NAALADL2: variants seen among roughly 807,000 people sequenced by gnomAD.
NAALADL2 encodes inactive N-acetylated-alpha-linked acidic dipeptidase-like protein 2.
In NAALADL2, 76 loss-of-function variants were observed where a neutral mutation model predicts 87.2. The observed-to-expected ratio is 0.87, with a 90% CI of 0.72 to 1.05. The LOEUF (loss-of-function observed/expected upper bound fraction) is 1.05, where lower values mean the gene tolerates loss of function less well. NAALADL2 is among the 50% of genes least tolerant of loss of function. The pLI, the probability that NAALADL2 is intolerant of heterozygous loss-of-function variation, is 0.00. For missense variants in NAALADL2, 1,089 were observed against 945.8 expected, an observed-to-expected ratio of 1.15 and a Z score of -1.99; for synonymous variants, 354 against 331.0, an observed-to-expected ratio of 1.07 and a Z score of -0.75.
chr3:174,765,485 C>T (rs1713688881), intron 3 of NAALADL2, among the ~76,000 whole-genome samples: 1 of 152,064 alleles, frequency 6.6e-6, no homozygotes, highest in Admixed American at 6.6e-5. Context: ...GTTAGGTGGG[C>T]AGTTTCCTGT....
intron 3 of NAALADL2, among the ~76,000 whole-genome samples, chr3:174,778,328 C>A (rs760179153): frequency 1.3e-5 from 2 of 151,870 alleles, no homozygotes; most frequent in Non-Finnish European, 2.9e-5. Context: ...GCAGGCAGAA[C>A]CTTAGGGTAA....
chr3:175,111,733 G>T lies in NAALADL2; in HGVS notation c.545+14442G>T, dbSNP rs1350827558. Among the ~76,000 whole-genome samples, 4 of 151,674 alleles carry T rather than the reference G, an allele frequency of 2.6e-5. No individual in the cohort carries two copies. The East Asian group carries it at 7.7e-4, about 29-fold the overall frequency. On this transcript the variant is annotated intron_variant, in intron 2 of 13. Coordinates refer to ENST00000454872, the MANE Select transcript of NAALADL2 (RefSeq NM_207015.3). ...AGGTTTCACTTGATCCAATGCTGCTGCCTTCTCTAGTCAGACAGTCAGGAA... is the reference window on the plus strand; with the variant it reads ...AGGTTTCACTTGATCCAATGCTGCTTCCTTCTCTAGTCAGACAGTCAGGAA...
chr3:175,255,948 C>G (rs144200797), intron 3 of NAALADL2, among the ~76,000 whole-genome samples: 94 of 152,302 alleles, frequency 6.2e-4, no homozygotes, highest in African/African-American at 1.7e-3. Context: ...GCATCATGAG[C>G]AGCTGTTCAG....
At chr3:175,168,119 A>G (rs1734250010) in intron 2 of NAALADL2, among the ~76,000 whole-genome samples, 1 of 151,920 alleles carries the variant, frequency 6.6e-6, no homozygotes, top group South Asian at 2.1e-4. Context: ...TTGGGACTAA[A>G]TAAGTCAGTT....
Position 174,745,632 on chromosome 3 carries a change from C to T in NAALADL2, c.-9+7886C>T, listed in dbSNP as rs183329286. Among the ~76,000 whole-genome samples, 363 of 152,062 alleles carry T rather than the reference C, an allele frequency of 2.4e-3. 1 individual carries two copies. The highest frequency in any genetic ancestry group is 7.9e-3 in the African/African-American group (326 of 41,500). The stretch of plus-strand genomic sequence containing the variant: ...ACATCAAAACCTGGTAGAGATACAA[C>T]GACAACAAAAAGAAAACTTCAGCCA... On this transcript the variant is annotated intron_variant, in intron 3 of 3. Transcript: ENST00000434257.
At chr3:175,385,833 A>G (rs1293963210) in intron 5 of NAALADL2, among the ~76,000 whole-genome samples, 2 of 152,134 alleles carry the variant, frequency 1.3e-5, no homozygotes, top group Non-Finnish European at 2.9e-5. Flanking sequence ...AAGTTATTAC[A>G]TGCATGGGGG....
At chr3:174,654,079 T>A (rs1724656234) in intron 2 of NAALADL2, among the ~76,000 whole-genome samples, 1 of 151,782 alleles carries the variant, frequency 6.6e-6, no homozygotes, top group African/African-American at 2.4e-5. Flanking sequence ...TGTGTGTGTG[T>A]GTGTGTGTGT....
intron 5 of NAALADL2, among the ~76,000 whole-genome samples, chr3:175,396,588 G>C (rs1769819964): frequency 6.6e-6 from 1 of 151,902 alleles, no homozygotes; most frequent in Admixed American, 6.6e-5. Context: ...TCATGCACTA[G>C]AGACGCCAGA....
At chr3:174,914,913 T>C (rs1482290058) in intron 1 of NAALADL2, among the ~76,000 whole-genome samples, 1 of 152,144 alleles carries the variant, frequency 6.6e-6, no homozygotes, top group Non-Finnish European at 1.5e-5. Context: ...TATCTTTTCA[T>C]TTTTGGATGC....
chr3:174,944,368 A>G (rs1316495162), intron 1 of NAALADL2, among the ~76,000 whole-genome samples: 8 of 151,636 alleles, frequency 5.3e-5, no homozygotes, highest in African/African-American at 1.9e-4. Context: ...GTCAGCTTGA[A>G]CTCTCCAAAA....
intron 3 of NAALADL2, among the ~76,000 whole-genome samples, chr3:174,822,159 A>AAC (rs60752709): frequency 2.0e-4 from 30 of 148,568 alleles, no homozygotes; most frequent in African/African-American, 4.7e-4. Context: ...CAGTGACACA[A>AAC]ACACACACAC....
At chr3:174,740,109 C>A (rs2109007174) in intron 3 of NAALADL2, among the ~76,000 whole-genome samples, 1 of 151,946 alleles carries the variant, frequency 6.6e-6, no homozygotes, top group Non-Finnish European at 1.5e-5. Context: ...TGCTGATTTT[C>A]AATATTTTGT....
chr3:175,551,268 A>T (rs1398332924), intron 9 of NAALADL2, among the ~76,000 whole-genome samples: 1 of 152,128 alleles, frequency 6.6e-6, no homozygotes, highest in Non-Finnish European at 1.5e-5. Context: ...TTTCATTTTG[A>T]TTGTATCTAG....
intron 2 of NAALADL2, among the ~76,000 whole-genome samples, chr3:174,713,091 A>G (rs1031528806): frequency 1.3e-5 from 2 of 152,050 alleles, no homozygotes; most frequent in Non-Finnish European, 2.9e-5. Context: ...GCTGAGAATG[A>G]TGGGTTCCAG....
chr3:175,269,092 C>G (rs1486356657), intron 4 of NAALADL2, among the ~76,000 whole-genome samples: 1 of 151,692 alleles, frequency 6.6e-6, no homozygotes, highest in East Asian at 2.0e-4. Context: ...ATGTGTGCCA[C>G]CATGCCTGAC....
intron 5 of NAALADL2, among the ~76,000 whole-genome samples, chr3:175,338,628 C>A (rs1027830374): frequency 8.5e-4 from 58 of 68,026 alleles, no homozygotes; most frequent in Admixed American, 1.1e-3. Flanking sequence ...CACAAACACA[C>A]ACACACACAC....
At chr3:174,589,531 G>A (rs1385945191) in intron 2 of NAALADL2, among the ~76,000 whole-genome samples, 2 of 152,126 alleles carry the variant, frequency 1.3e-5, no homozygotes, top group Non-Finnish European at 2.9e-5. Flanking sequence ...TTTGTTTACT[G>A]GCAAATTACC....
intron 11 of NAALADL2, among the ~76,000 whole-genome samples, chr3:175,703,171 T>C (rs1384890080): frequency 1.3e-5 from 2 of 152,166 alleles, no homozygotes; most frequent in African/African-American, 4.8e-5. Flanking sequence ...CATAAATAAC[T>C]CTAAATATCA....
At chr3:175,334,973 G>A (rs190654154) in intron 5 of NAALADL2, among the ~76,000 whole-genome samples, 141 of 152,244 alleles carry the variant, frequency 9.3e-4, no homozygotes, top group Admixed American at 1.4e-3. Flanking sequence ...ACGTTGTGCC[G>A]TTGTGTGAAG....
Sources: allele counts gnomAD v4.1 joint callset (sites outside exome capture counted in the v4.1 genomes callset), GRCh38; gene constraint gnomAD v4.1.1; transcripts MANE v1.5; gene names NCBI Gene and HGNC (gene_info 2026-07-23, HGNC 2026-07-21).